Variants in VWF observed in about 807,000 individuals in gnomAD.
VWF encodes von Willebrand factor.
VWF carries 176 observed loss-of-function variants against 308.6 expected under a neutral mutation model. The observed-to-expected ratio is 0.57, with a 90% CI of 0.50 to 0.65. The LOEUF (loss-of-function observed/expected upper bound fraction) is 0.65. Ranked by LOEUF, VWF falls within the 30% of genes least tolerant of loss-of-function variation. VWF has a pLI of 0.00. For missense variants in VWF, 3,146 were observed against 3,648.2 expected (o/e 0.86, Z 3.55); for synonymous variants, 1,385 against 1,443.4 (o/e 0.96, Z 0.92).
chr12:6,055,907 T>C (rs1054891633), intron 15 of VWF, among the ~76,000 whole-genome samples: 4 of 151,804 alleles, frequency 2.6e-5, no homozygotes, highest in Non-Finnish European at 5.9e-5. Context: ...CCCAAGTAGC[T>C]GGGACTACAC....
rs146420721 is a variant in VWF at position 6,103,355 on chromosome 12, T to G, written c.532+7019A>C. Among the ~76,000 whole-genome samples the G allele has an allele frequency of 1.1e-3, 149 of 136,786 alleles. 2 individuals carry two copies. The East Asian group carries it at 0.029, about 27-fold the overall frequency. 89.7% of individuals were successfully genotyped at this position (136,786 alleles called of 152,430 possible). On this transcript the variant is annotated intron_variant, in intron 5 of 51. Coordinates refer to ENST00000261405, the MANE Select transcript of VWF (RefSeq NM_000552.5). ...AAATATATATATATATGTGTGTATA[T>G]ATACATATATATGTGTGTGTGTGTA...
chr12:5,985,499 G>T, intron 39 of VWF, 64 bp downstream of exon 39: 1 of 1,526,292 alleles, frequency 6.6e-7, no homozygotes, highest in Non-Finnish European at 9.0e-7. Context: ...AAGATGGGTG[G>T]CTGGGGGGCC....
intron 6 of VWF, among the ~76,000 whole-genome samples, chr12:6,077,309 T>C (rs1305557046): frequency 1.3e-5 from 2 of 152,170 alleles, no homozygotes; most frequent in African/African-American, 4.8e-5. Context: ...AGCGAGACCC[T>C]GTCTCAAAAA....
chr12:5,967,957 C>G (rs1460594987), intron 46 of VWF, among the ~76,000 whole-genome samples, 170 bp downstream of exon 46: 1 of 152,152 alleles, frequency 6.6e-6, no homozygotes, highest in African/African-American at 2.4e-5. Flanking sequence ...GAAGATGGTC[C>G]TAGCCTGGGC....
intron 3 of VWF, among the ~76,000 whole-genome samples, chr12:6,119,260 G>A (rs1356719997): frequency 6.6e-6 from 1 of 152,100 alleles, no homozygotes; most frequent in Non-Finnish European, 1.5e-5. Flanking sequence ...CACCCTAAGA[G>A]CAGCAGCAGC....
At chr12:6,097,290 A>C (rs1945115344) in intron 5 of VWF, among the ~76,000 whole-genome samples, 1 of 152,110 alleles carries the variant, frequency 6.6e-6, no homozygotes, top group South Asian at 2.1e-4. Flanking sequence ...CAAAAAAATT[A>C]GCCAGGCATG....
intron 18 of VWF, among the ~76,000 whole-genome samples, chr12:6,039,837 C>T (rs1047085335): frequency 2.6e-5 from 4 of 152,148 alleles, no homozygotes; most frequent in Non-Finnish European, 5.9e-5. Context: ...AACTGGACAT[C>T]CTGGGATCAG....
intron 10 of VWF, among the ~76,000 whole-genome samples, chr12:6,067,586 C>T (rs1480810621): frequency 6.6e-6 from 1 of 152,170 alleles, no homozygotes; most frequent in African/African-American, 2.4e-5. Context: ...AACAGAGCCA[C>T]AAACACAGGA....
At chr12:5,980,177 G>GGAA (rs1943587671) in intron 42 of VWF, among the ~76,000 whole-genome samples, 1 of 67,926 alleles carries the variant, frequency 1.5e-5, no homozygotes, top group East Asian at 5.2e-4. Context: ...GAGGGAGGGA[G>GGAA]GGAGGGAGGG....
chr12:6,052,900 T>C, intron 15 of VWF, 117 bp from the exon 16 acceptor site: 2 of 1,394,872 alleles, frequency 1.4e-6, no homozygotes, highest in East Asian at 2.5e-5. Context: ...AAAATTTTTA[T>C]TGAGATAATT....
chr12:6,110,378 T>C lies in VWF; in HGVS notation c.528A>G (p.Gln176=), dbSNP rs1945294089. The C allele has an allele frequency of 1.2e-6, 2 of 1,614,078 alleles. No individual in the cohort carries two copies. Among genetic ancestry groups the C allele is most frequent in the Non-Finnish European group, 1.7e-6 (2 of 1,179,914 alleles). Residue 176 remains glutamine (Q), a synonymous_variant, in exon 5 of 52, where the codon CAA becomes CAG. Coordinates refer to ENST00000261405, the MANE Select transcript of VWF (RefSeq NM_000552.5). ...TGGTATCCCAGAACATCTTACCTTC[T>C]TGGGTCATAAAGTCATCTTCAGCAA... is the stretch of plus-strand genomic sequence containing the variant. ...NIFAEDDFMT[Q]EGTLTSDPYD... is the part of the protein sequence containing the mutation.
intron 45 of VWF, 148 bp from the exon 46 acceptor site, chr12:5,968,315 G>C: frequency 1.1e-6 from 1 of 902,756 alleles, no homozygotes; most frequent in Non-Finnish European, 1.7e-6. Flanking sequence ...ACAACCCAGC[G>C]CTGGGGGTCC....
At position 6,075,691 on chromosome 12, in the gene VWF, T is replaced by C; in HGVS notation, c.658-140A>G. The C allele has an allele frequency of 1.2e-6, 1 of 867,628 alleles. No homozygotes were observed. The highest frequency in any genetic ancestry group is 1.9e-6 in the Non-Finnish European group (1 of 531,176). 53.7% of individuals were successfully genotyped at this position (867,628 alleles called of 1,614,324 possible). The stretch of plus-strand genomic sequence containing the variant: ...GCTGGCACCAAGCACATGCATGTGT[T>C]CAATGCACCAGCCCATCGACCAAGG... On this transcript the variant is annotated intron_variant, in intron 6 of 51. Coordinates refer to ENST00000261405, the MANE Select transcript of VWF (RefSeq NM_000552.5). This position sits in a 1 kb window ranked among gnomAD's most constrained non-coding sequence, Gnocchi z 4.7.
chr12:5,987,307 A>G (rs1338976885), intron 38 of VWF, among the ~76,000 whole-genome samples: 5 of 152,220 alleles, frequency 3.3e-5, no homozygotes, highest in Admixed American at 3.3e-4. Flanking sequence ...ATATTTTTCT[A>G]AGAGTTTTAC....
chr12:6,053,019 T>C (rs571972376), intron 15 of VWF, among the ~76,000 whole-genome samples: 2 of 152,342 alleles, frequency 1.3e-5, no homozygotes, highest in Non-Finnish European at 2.9e-5. Context: ...TCAACTTCCT[T>C]TCCCACTATG....
At chr12:5,988,171 CGAAGG>C (rs1565820679) in intron 38 of VWF, among the ~76,000 whole-genome samples, 1 of 152,036 alleles carries the variant, frequency 6.6e-6, no homozygotes, top group African/African-American at 2.4e-5. Context: ...AAGGCACAGA[CGAAGG>C]AACACTCCCG....
intron 42 of VWF, among the ~76,000 whole-genome samples, chr12:5,979,362 T>C (rs1045255236): frequency 2.0e-5 from 3 of 152,220 alleles, no homozygotes; most frequent in African/African-American, 7.2e-5. Flanking sequence ...AACAAACACT[T>C]ATAAATAGTA....
chr12:5,991,222 C>T (rs970806182), intron 38 of VWF, among the ~76,000 whole-genome samples: 2 of 151,614 alleles, frequency 1.3e-5, no homozygotes, highest in African/African-American at 4.9e-5. Flanking sequence ...CACACACACG[C>T]TCCATGATCA....
chr12:6,082,212 G>A (rs1353246620), intron 6 of VWF, among the ~76,000 whole-genome samples: 5 of 152,094 alleles, frequency 3.3e-5, no homozygotes, highest in Admixed American at 2.0e-4. Flanking sequence ...TGATCTGCCC[G>A]CCTAGGCCTC....
Sources: allele counts gnomAD v4.1 joint callset (sites outside exome capture counted in the v4.1 genomes callset), GRCh38; gene constraint gnomAD v4.1.1; non-coding constraint Gnocchi (gnomAD v3.1); transcripts MANE v1.5; gene names NCBI Gene and HGNC (gene_info 2026-07-23, HGNC 2026-07-21).